HPR: variants seen among roughly 807,000 people sequenced by gnomAD.
The protein encoded by HPR is haptoglobin-related protein.
Under a neutral mutation model 18.5 loss-of-function variants are expected in HPR, and 17 were observed. The observed-to-expected ratio is 0.92, with a 90% CI of 0.63 to 1.38. HPR has a LOEUF of 1.38. HPR is among the 40% of genes most tolerant of loss of function. HPR has a pLI of 0.00. For synonymous variants in HPR, 176 were observed against 165.0 expected (o/e 1.07, Z -0.51); for missense variants, 457 against 432.4 (o/e 1.06, Z -0.51).
At chr16:72,063,952 G>A (rs987396657) in intron 1 of HPR, among the ~76,000 whole-genome samples, 4 of 152,210 alleles carry the variant, frequency 2.6e-5, no homozygotes, top group African/African-American at 4.8e-5. Flanking sequence ...ATGTTGGCCC[G>A]GATGATCTCG....
chr16:72,070,487 A>G (rs565602290), intron 1 of HPR, among the ~76,000 whole-genome samples: 1 of 152,136 alleles, frequency 6.6e-6, no homozygotes, highest in Non-Finnish European at 1.5e-5. Context: ...CTAAGACTGC[A>G]GTCCGAACAG....
chr16:72,075,617 C>T (rs1337308330), intron 4 of HPR, among the ~76,000 whole-genome samples: 5 of 152,182 alleles, frequency 3.3e-5, no homozygotes, highest in Admixed American at 6.5e-5. Context: ...TCCTGCTTCT[C>T]GTTATTAGGA....
At chr16:72,072,189 G>A (rs905404102) in intron 1 of HPR, among the ~76,000 whole-genome samples, 6 of 151,954 alleles carry the variant, frequency 3.9e-5, no homozygotes, top group African/African-American at 1.5e-4. Context: ...TGTATTTTTA[G>A]TAGAGACAGG....
At position 72,076,866 on chromosome 16, in the gene HPR, G is replaced by C. The variant is rs767329034; in HGVS notation, c.832G>C (p.Glu278Gln). The stretch of plus-strand genomic sequence containing the variant: ...TGTAGGGGTGCAGCCCATACTGAAC[G>C]AACACACCTTCTGTGTCGGCATGTC... ...SPVGVQPILNEHTFCVGMSKY... is the reference protein window; with the variant it reads ...SPVGVQPILNQHTFCVGMSKY... Residue 278 changes from glutamate (E) to glutamine (Q), a missense_variant, in exon 5 of 5, where the codon GAA becomes CAA. Transcript: ENST00000540303. The C allele has an allele frequency of 6.2e-7, 1 of 1,614,204 alleles. No homozygotes were observed. Among genetic ancestry groups the C allele is most frequent in the Non-Finnish European group, 8.5e-7 (1 of 1,180,048 alleles).
chr16:72,070,750 G>A (rs939020744), intron 1 of HPR, among the ~76,000 whole-genome samples: 1 of 152,146 alleles, frequency 6.6e-6, no homozygotes, highest in African/African-American at 2.4e-5. Context: ...CTCAAAGGAA[G>A]CTGTCTCATG....
chr16:72,071,949 T>C (rs943859220), intron 1 of HPR, among the ~76,000 whole-genome samples: 1 of 152,176 alleles, frequency 6.6e-6, no homozygotes, highest in Admixed American at 6.5e-5. Flanking sequence ...ATCCACGTTC[T>C]TCTGGTGGTT....
Position 72,076,671 on chromosome 16 carries a change from A to G in HPR, c.637A>G (p.Asn213Asp), listed in dbSNP as rs375115348. ...GATGCCCATCTGCCTACCTTCAAAGAATTATGCAGAAGTAGGGCGTGTGGG... is the reference window on the plus strand; with the variant it reads ...GATGCCCATCTGCCTACCTTCAAAGGATTATGCAGAAGTAGGGCGTGTGGG... ...RVMPICLPSK[N>D]YAEVGRVGYV... Residue 213 changes from asparagine (N) to aspartate (D), a missense_variant, in exon 5 of 5, where the codon AAT (asparagine) becomes GAT (aspartate). Physicochemically the swap from Asn to Asp is conservative, Grantham distance 23 (BLOSUM62 1). Transcript: ENST00000540303. 114 of 1,614,130 alleles carry G rather than the reference A, an allele frequency of 7.1e-5. No individual in the cohort carries two copies. The highest frequency in any genetic ancestry group is 3.8e-4 in the Admixed American group (23 of 60,016).
At chr16:72,070,537 C>T (rs369215191) in intron 1 of HPR, among the ~76,000 whole-genome samples, 3 of 152,198 alleles carry the variant, frequency 2.0e-5, no homozygotes, top group South Asian at 2.1e-4. Context: ...GTCAAAAAGG[C>T]GCTGCCACCT....
At chr16:72,064,915 T>C (rs1447779042) in intron 1 of HPR, among the ~76,000 whole-genome samples, 1 of 152,182 alleles carries the variant, frequency 6.6e-6, no homozygotes, top group Non-Finnish European at 1.5e-5. Flanking sequence ...GTCTGATGAA[T>C]AACCCCAGAC....
chr16:72,077,089 C>T lies in HPR; in HGVS notation c.*8C>T, dbSNP rs547633469. The T allele has an allele frequency of 6.2e-7, 1 of 1,601,190 alleles. No homozygotes were observed. The highest frequency in any genetic ancestry group is 2.2e-5 in the East Asian group (1 of 44,602). On this transcript the variant is annotated 3_prime_UTR_variant, in exon 5 of 5. Transcript: ENST00000540303. ...ACCATAGCTGAGAACTAATGCAAGGCTGGCCGGAAGCCCTTGCCTGAAAGC... is the reference window on the plus strand; with the variant it reads ...ACCATAGCTGAGAACTAATGCAAGGTTGGCCGGAAGCCCTTGCCTGAAAGC...
At chr16:72,064,084 G>A (rs1419838936) in intron 1 of HPR, among the ~76,000 whole-genome samples, 1 of 152,136 alleles carries the variant, frequency 6.6e-6, no homozygotes, top group African/African-American at 2.4e-5. Context: ...AATGGTGGGC[G>A]TCTGTTAGCG....
chr16:72,068,357 G>C (rs1398811551), intron 1 of HPR, among the ~76,000 whole-genome samples: 6 of 152,144 alleles, frequency 3.9e-5, no homozygotes, highest in Non-Finnish European at 7.4e-5. Context: ...CCTTGCCTCA[G>C]ACTAAACAGG....
rs780908314 is a variant in HPR at position 72,076,808 on chromosome 16, C to T, written c.774C>T (p.Ser258=). The T allele has an allele frequency of 1.2e-6, 2 of 1,614,222 alleles. No individual in the cohort carries two copies. The highest frequency in any genetic ancestry group is 4.5e-5 in the East Asian group (2 of 44,884). The change falls in exon 5 of 5, where the codon AGC becomes AGT. Residue 258 remains serine (S), a synonymous_variant. Transcript: ENST00000540303. The stretch of plus-strand genomic sequence containing the variant: ...ATTGCATAACGCATTATGAAGGCAG[C>T]ACATGCCCCAAATGGAAGGCACCGA... ...QYDCITHYEG[S]TCPKWKAPKS...
chr16:72,073,841 C>T, intron 1 of HPR, 51 bp from the exon 2 acceptor site: 7 of 1,612,270 alleles, frequency 4.3e-6, no homozygotes, highest in South Asian at 1.1e-5. Flanking sequence ...CATGCATGTG[C>T]TGTGAAGCAG....
intron 1 of HPR, among the ~76,000 whole-genome samples, chr16:72,071,782 C>T (rs1330307292): frequency 6.6e-6 from 1 of 152,134 alleles, no homozygotes; most frequent in Non-Finnish European, 1.5e-5. Flanking sequence ...TTCACCCTGG[C>T]ATTTCATCAA....
In HPR at chr16:72,063,250, A is replaced by G. The variant is rs2041561118; in HGVS notation, c.-6A>G. 1.3e-6 allele frequency: 2 copies of G among 1,593,430 alleles called. No homozygotes were observed. The highest frequency in any genetic ancestry group is 1.3e-5 in the African/African-American group (1 of 74,232). ...CACTGCTCTTCCAGAGGCAAGACCA[A>G]CCAAGATGAGGTGGGTCCACAGCTT... is the stretch of plus-strand genomic sequence containing the variant. On this transcript the variant is annotated 5_prime_UTR_variant, in exon 1 of 5. Transcript: ENST00000540303.
rs371896670 is a variant in HPR at position 72,076,901 on chromosome 16, G to A, written c.867G>A (p.Gln289=). The part of the protein sequence containing the change: ...HTFCVGMSKY[Q]EDTCYGDAGS... ...TCTGTGTCGGCATGTCTAAGTACCAGGAAGACACCTGCTATGGCGATGCGG... is the reference window on the plus strand; with the variant it reads ...TCTGTGTCGGCATGTCTAAGTACCAAGAAGACACCTGCTATGGCGATGCGG... Residue 289 remains glutamine (Q), a synonymous_variant, in exon 5 of 5, where the codon CAG becomes CAA. Coordinates refer to ENST00000540303, the MANE Select transcript of HPR (RefSeq NM_020995.4). 1.5e-4 allele frequency: 240 copies of A among 1,614,202 alleles called. 1 individual carries two copies. In the African/African-American group the frequency reaches 1.8e-3, roughly 12 times the overall value.
At position 72,076,703 on chromosome 16, in the gene HPR, G is replaced by A; in HGVS notation, c.669G>A (p.Val223=). 6.2e-7 allele frequency: 1 copy of A among 1,614,216 alleles called. No individual in the cohort carries two copies. The highest frequency in any genetic ancestry group is 1.1e-5 in the South Asian group (1 of 91,088). Residue 223 remains valine (V), a synonymous_variant, in exon 5 of 5, where the codon GTG becomes GTA. Transcript: ENST00000540303. ...NYAEVGRVGY[V]SGWGQSDNFK... ...CAGAAGTAGGGCGTGTGGGTTACGT[G>A]TCTGGCTGGGGACAAAGTGACAACT...
chr16:72,070,325 T>A (rs1467985227), intron 1 of HPR, among the ~76,000 whole-genome samples: 1 of 152,220 alleles, frequency 6.6e-6, no homozygotes, highest in Non-Finnish European at 1.5e-5. Context: ...CTACTTTCTC[T>A]TCCCTTAAGA....
Sources: allele counts gnomAD v4.1 joint callset (sites outside exome capture counted in the v4.1 genomes callset), GRCh38; gene constraint gnomAD v4.1.1; transcripts MANE v1.5; gene names NCBI Gene and HGNC (gene_info 2026-07-23, HGNC 2026-07-21).